G6PC1: variants seen among roughly 807,000 people sequenced by gnomAD.
The protein encoded by G6PC1 is glucose-6-phosphatase catalytic subunit 1, also known as G-6-Pase.
In G6PC1, 23 loss-of-function variants were observed where a neutral mutation model predicts 30.4. The ratio of observed to expected loss-of-function variants is 0.76; its 90% CI spans 0.55 to 1.07. G6PC1 has a LOEUF of 1.07. Among genes scored for constraint, G6PC1 ranks in the 50% least tolerant of loss-of-function variants. The pLI is 0.00. For synonymous variants in G6PC1, 163 were observed against 175.6 expected (o/e 0.93, Z 0.57); for missense variants, 391 against 433.9 (o/e 0.90, Z 0.88).
rs2056109979 is a variant in G6PC1 at position 42,913,650 on chromosome 17, C to T, written c.*2224C>T. On this transcript the variant is annotated 3_prime_UTR_variant, in exon 5 of 5. Transcript: ENST00000253801. ...AGACCACAAGTCAGCATGAGTTGCT[C>T]TATGGCATCAAATTGCAACTTGAGA... 6.6e-6 allele frequency among the ~76,000 whole-genome samples: 1 copy of T among 152,164 alleles called. No homozygotes were observed. The highest frequency in any genetic ancestry group is 1.5e-5 in the Non-Finnish European group (1 of 68,030).
At chr17:42,905,445 C>CAT (rs1376844685) in intron 2 of G6PC1, among the ~76,000 whole-genome samples, 2 of 83,188 alleles carry the variant, frequency 2.4e-5, no homozygotes, top group African/African-American at 1.1e-4. Flanking sequence ...TATATATATA[C>CAT]ACACACACAC....
Position 42,900,899 on chromosome 17 carries a change from T to C in G6PC1, c.23T>C (p.Leu8Pro). The change falls in exon 1 of 5, where the codon CTC (leucine) becomes CCC (proline). Residue 8 changes from leucine to proline, a missense_variant. Transcript: ENST00000253801. Reference sequence around the variant, plus strand: ...AGGATGGAGGAAGGAATGAATGTTCTCCATGACTTTGGGATCCAGTCAACA... The same window carrying C: ...AGGATGGAGGAAGGAATGAATGTTCCCCATGACTTTGGGATCCAGTCAACA... Reference protein sequence around the residue: MEEGMNVLHDFGIQSTHY... With the variant: MEEGMNVPHDFGIQSTHY... The C allele has an allele frequency of 6.2e-7, 1 of 1,614,122 alleles. No homozygotes were observed.
chr17:42,903,971 A>G lies in G6PC1; in HGVS notation c.271A>G (p.Thr91Ala). The G allele has an allele frequency of 1.2e-6, 2 of 1,614,076 alleles. No individual in the cohort carries two copies. Among genetic ancestry groups the G allele is most frequent in the Non-Finnish European group, 1.7e-6 (2 of 1,179,936 alleles). The change falls in exon 2 of 5, where the codon ACT becomes GCT. Residue 91 changes from threonine to alanine, a missense_variant. Thr to Ala is a moderately conservative substitution (Grantham distance 58, BLOSUM62 0). Transcript: ENST00000253801. ...GCGTCCATACTGGTGGGTTTTGGAT[A>G]CTGACTACTACAGCAACACTTCCGT... is the stretch of plus-strand genomic sequence containing the variant. ...GQRPYWWVLDTDYYSNTSVPL... is the reference protein window; with the variant it reads ...GQRPYWWVLDADYYSNTSVPL...
chr17:42,912,129 G>A lies in G6PC1; in HGVS notation c.*703G>A, dbSNP rs375295552. 3.3e-5 allele frequency: 5 copies of A among 153,366 alleles called. No homozygotes were observed. The East Asian group carries it at 5.8e-4, about 18-fold the overall frequency. The allele number at this position is 153,366 out of a possible 1,614,324, so 9.5% of individuals were successfully genotyped here. A position where few individuals can be genotyped will look rare whatever the true frequency, so the allele number is the denominator to read the frequency against. ...GCGTATCATGCAAGTGCTATGCCAA[G>A]CCATGTCTAAATGGCTTTAATTATA... is the stretch of plus-strand genomic sequence containing the variant. On this transcript the variant is annotated 3_prime_UTR_variant, in exon 5 of 5. Transcript: ENST00000253801.
At position 42,910,916 on chromosome 17, in the gene G6PC1, C is replaced by T. The variant is rs766030987; in HGVS notation, c.564C>T (p.Gly188=). ...PHQVVAGVLS[G]IAVAETFSHI... ...ACAGTCATGCTTTCTTCCACTCAGG[C>T]ATTGCTGTTGCAGAAACTTTCAGCC... Residue 188 remains glycine (G), a splice_region_variant and synonymous_variant, in exon 5 of 5, where the codon GGC becomes GGT. Coordinates refer to ENST00000253801, the MANE Select transcript of G6PC1 (RefSeq NM_000151.4). The T allele has an allele frequency of 3.1e-6, 5 of 1,614,014 alleles. No individual in the cohort carries two copies. The highest frequency in any genetic ancestry group is 2.7e-5 in the African/African-American group (2 of 74,940).
intron 2 of G6PC1, among the ~76,000 whole-genome samples, chr17:42,907,080 C>T (rs771709905): frequency 4.6e-5 from 7 of 151,996 alleles, no homozygotes; most frequent in Non-Finnish European, 1.0e-4. Context: ...GAGGTGGGAA[C>T]GTGTTTGGTG....
chr17:42,907,677 C>T (rs539615669), intron 3 of G6PC1, 49 bp downstream of exon 3: 12 of 1,262,164 alleles, frequency 9.5e-6, no homozygotes, highest in Admixed American at 6.9e-5. Flanking sequence ...GGAGGCAGCT[C>T]TCTCTGTAGC....
Position 42,909,418 on chromosome 17 carries a change from G to A in G6PC1, c.562G>A (p.Gly188Ser), listed in dbSNP as rs80356482. The change falls in exon 4 of 5, where the codon GGC becomes AGC. Residue 188 changes from glycine (G) to serine (S), a missense_variant and splice_region_variant. Physicochemically the swap from Gly to Ser is moderately conservative, Grantham distance 56. Coordinates refer to ENST00000253801, the MANE Select transcript of G6PC1 (RefSeq NM_000151.4). ...TCAAGTTGTTGCTGGAGTCCTGTCAGGTATGGGCTGATCTGACTCCCTTCC... is the reference window on the plus strand; with the variant it reads ...TCAAGTTGTTGCTGGAGTCCTGTCAAGTATGGGCTGATCTGACTCCCTTCC... Reference protein sequence around the residue: ...PHQVVAGVLSGIAVAETFSHI... With the variant: ...PHQVVAGVLSSIAVAETFSHI... 73 of 1,608,354 alleles carry A rather than the reference G, an allele frequency of 4.5e-5. No individual in the cohort carries two copies. The highest frequency in any genetic ancestry group is 5.4e-5 in the Non-Finnish European group (64 of 1,174,850).
intron 2 of G6PC1, among the ~76,000 whole-genome samples, chr17:42,905,061 G>A (rs182957904): frequency 1.3e-4 from 19 of 150,698 alleles, no homozygotes; most frequent in African/African-American, 1.7e-4. Flanking sequence ...GCAGTGAACC[G>A]AGATCGGACC....
rs116797100 is a variant in G6PC1 at position 42,904,082 on chromosome 17, C to T, written c.340+42C>T. Reference sequence around the variant, plus strand: ...CTGCAGACAGAAGCTGAGTGGACCTCGTTTACCTGTTATGGATGAAACTGA... The same window carrying T: ...CTGCAGACAGAAGCTGAGTGGACCTTGTTTACCTGTTATGGATGAAACTGA... On this transcript the variant is annotated intron_variant, in intron 2 of 4. Coordinates refer to ENST00000253801, the MANE Select transcript of G6PC1 (RefSeq NM_000151.4). The T allele has an allele frequency of 4.3e-3, 5,682 of 1,312,724 alleles. 147 individuals carry two copies. The African/African-American group carries it at 0.062, about 14-fold the overall frequency. The allele number at this position is 1,312,724 out of a possible 1,614,324, so 81.3% of individuals were successfully genotyped here.
chr17:42,903,180 C>G (rs1212089454), intron 1 of G6PC1, among the ~76,000 whole-genome samples: 2 of 150,252 alleles, frequency 1.3e-5, no homozygotes, highest in African/African-American at 4.9e-5. Context: ...CTCCCAGGTT[C>G]AAGCGATTCT....
chr17:42,902,329 C>A (rs525189), intron 1 of G6PC1, among the ~76,000 whole-genome samples: 2 of 152,052 alleles, frequency 1.3e-5, no homozygotes, highest in African/African-American at 4.8e-5. Context: ...CTCACTGCAA[C>A]CTCTGCCTCT....
At position 42,911,736 on chromosome 17, in the gene G6PC1, G is replaced by A. The variant is rs563588003; in HGVS notation, c.*310G>A. 10 of 436,056 alleles carry A rather than the reference G, an allele frequency of 2.3e-5. No individual in the cohort carries two copies. The highest frequency in any genetic ancestry group is 2.3e-4 in the South Asian group (10 of 43,966). 27.0% of individuals were successfully genotyped at this position (436,056 alleles called of 1,614,324 possible). A position where few individuals can be genotyped will look rare whatever the true frequency, so the allele number is the denominator to read the frequency against. ...CACAAGTAGGGAGCTCACTCCCACT[G>A]GAACAGCCCATTTTATCTTTGAATG... On this transcript the variant is annotated 3_prime_UTR_variant, in exon 5 of 5. Coordinates refer to ENST00000253801, the MANE Select transcript of G6PC1 (RefSeq NM_000151.4).
rs1048622043 is a variant in G6PC1 at position 42,912,473 on chromosome 17, C to T, written c.*1047C>T. ...ACTCTGGTGGTGCTTTTGTATGTTT[C>T]AATTAGGCTCTGAAATCTTGGGCAA... On this transcript the variant is annotated 3_prime_UTR_variant, in exon 5 of 5. Coordinates refer to ENST00000253801, the MANE Select transcript of G6PC1 (RefSeq NM_000151.4). 2.0e-5 allele frequency: 3 copies of T among 152,386 alleles called. No individual in the cohort carries two copies. The highest frequency in any genetic ancestry group is 7.2e-5 in the African/African-American group (3 of 41,428). The allele number at this position is 152,386 out of a possible 1,614,324, so 9.4% of individuals were successfully genotyped here. A position where few individuals can be genotyped will look rare whatever the true frequency, so the allele number is the denominator to read the frequency against.
intron 3 of G6PC1, among the ~76,000 whole-genome samples, chr17:42,908,791 C>T (rs2056078289): frequency 6.6e-6 from 1 of 150,412 alleles, no homozygotes; most frequent in South Asian, 2.1e-4. Flanking sequence ...GTAACCTCCA[C>T]CTCCTGAGTT....
rs1235397937 is a variant in G6PC1, at chr17:42,913,918, A to G, written c.*2492A>G. ...CAGGGTTCGACCTCCAAAGGCCTCA[A>G]ATCATCACCGTATCAATGGATTTCC... On this transcript the variant is annotated 3_prime_UTR_variant, in exon 5 of 5. Coordinates refer to ENST00000253801, the MANE Select transcript of G6PC1 (RefSeq NM_000151.4). 6.6e-6 allele frequency among the ~76,000 whole-genome samples: 1 copy of G among 152,092 alleles called. No individual in the cohort carries two copies. The highest frequency in any genetic ancestry group is 1.5e-5 in the Non-Finnish European group (1 of 68,014).
rs79175009 is a variant in G6PC1 at position 42,901,211 on chromosome 17, C to T, written c.230+105C>T. The T allele has an allele frequency of 2.8e-4, 274 of 964,786 alleles. 4 individuals carry two copies. Among genetic ancestry groups the T allele is most frequent in the African/African-American group, 1.8e-3 (112 of 62,432 alleles). The allele number at this position is 964,786 out of a possible 1,614,324, so 59.8% of individuals were successfully genotyped here. A position where few individuals can be genotyped will look rare whatever the true frequency, so the allele number is the denominator to read the frequency against. On this transcript the variant is annotated intron_variant, in intron 1 of 4. Transcript: ENST00000253801. Reference sequence around the variant, plus strand: ...TTTCCCCAGGCTATTCAGGAAGCCACGGGCTACTCATGCTTCCAACCCCTC... The same window carrying T: ...TTTCCCCAGGCTATTCAGGAAGCCATGGGCTACTCATGCTTCCAACCCCTC...
At chr17:42,902,147 T>C (rs372509398) in intron 1 of G6PC1, among the ~76,000 whole-genome samples, 6 of 152,004 alleles carry the variant, frequency 3.9e-5, no homozygotes, top group Admixed American at 3.3e-4. Flanking sequence ...CGTCCAGTGC[T>C]GATAAACTGA....
At chr17:42,905,293 T>G (rs903144700) in intron 2 of G6PC1, among the ~76,000 whole-genome samples, 59 of 148,568 alleles carry the variant, frequency 4.0e-4, no homozygotes, top group African/African-American at 1.5e-3. Flanking sequence ...GGTGTCCTGG[T>G]GCATGCCTGT....
Sources: allele counts gnomAD v4.1 joint callset (sites outside exome capture counted in the v4.1 genomes callset), GRCh38; gene constraint gnomAD v4.1.1; transcripts MANE v1.5; gene names NCBI Gene and HGNC (gene_info 2026-07-23, HGNC 2026-07-21).